Variants in DACH2 observed in about 807,000 individuals in gnomAD.
The protein encoded by DACH2 is dachshund family transcription factor 2, also known as dachshund homolog 2.
Under a neutral mutation model 35.8 loss-of-function variants are expected in DACH2, and 17 were observed. The observed-to-expected ratio is 0.48, with a 90% CI of 0.33 to 0.71. The LOEUF (loss-of-function observed/expected upper bound fraction) is 0.71, where lower values mean the gene tolerates loss of function less well. Ranked by LOEUF, DACH2 falls within the 30% of genes least tolerant of loss-of-function variation. DACH2 has a pLI of 0.02. For missense variants in DACH2, 469 were observed against 472.7 expected, an observed-to-expected ratio of 0.99 and a Z score of 0.07; for synonymous variants, 195 against 177.3, an observed-to-expected ratio of 1.10 and a Z score of -0.79.
Position 86,291,174 on chromosome X carries a change from C to T in DACH2, c.489-85650C>T, listed in dbSNP as rs752500361. ...ATGTTGGATTCCTAGGTATTTTATT[C>T]TCTTTGAAGCAATTGTGAATGAGAG... On this transcript the variant is annotated intron_variant, in intron 1 of 11. Transcript: ENST00000373125. Among the ~76,000 whole-genome samples the T allele has an allele frequency of 5.2e-3, 566 of 108,914 alleles. 6 individuals carry two copies. Among genetic ancestry groups the T allele is most frequent in the African/African-American group, 0.018 (537 of 29,629 alleles). 94.6% of individuals were successfully genotyped at this position (108,914 alleles called of 115,157 possible).
At chrX:86,292,646 A>G (rs1181689705) in intron 1 of DACH2, among the ~76,000 whole-genome samples, 1 of 110,725 alleles carries the variant, frequency 9.0e-6, no homozygotes, top group Admixed American at 9.7e-5. Context: ...CATTGGTTTC[A>G]AAGAACATCT....
chrX:86,821,148 C>A (rs1456808777), intron 11 of DACH2, among the ~76,000 whole-genome samples: 1 of 111,201 alleles, frequency 9.0e-6, no homozygotes, highest in Non-Finnish European at 1.9e-5. Flanking sequence ...GTTCCACTGA[C>A]TGCTTCCTAC....
chrX:86,659,981 T>C (rs1020544199), intron 4 of DACH2, among the ~76,000 whole-genome samples: 21 of 111,329 alleles, frequency 1.9e-4, no homozygotes, highest in African/African-American at 6.5e-4. Context: ...GAACCCTTCC[T>C]TAGAAATTTG....
At chrX:86,477,339 C>CATAT (rs56255658) in intron 2 of DACH2, among the ~76,000 whole-genome samples, 8,364 of 75,509 alleles carry the variant, frequency 0.11, 466 homozygotes, top group Non-Finnish European at 0.15. Flanking sequence ...GTGTTGAGTG[C>CATAT]ATATATATAT....
intron 7 of DACH2, among the ~76,000 whole-genome samples, chrX:86,768,435 ATTCTAT>A (rs1156977761): frequency 1.8e-5 from 2 of 111,080 alleles, no homozygotes; most frequent in Non-Finnish European, 3.8e-5. Flanking sequence ...AGCATATGCA[ATTCTAT>A]TTCTAAGTTA....
At chrX:86,627,217 A>G (rs1021442370) in intron 3 of DACH2, among the ~76,000 whole-genome samples, 18 of 111,535 alleles carry the variant, frequency 1.6e-4, no homozygotes, top group Admixed American at 8.6e-4. Context: ...TTCAACTTCA[A>G]TGTTCCACAG....
chrX:86,254,781 A>T (rs12853095), intron 1 of DACH2, among the ~76,000 whole-genome samples: 4,411 of 22,167 alleles, frequency 0.2, 746 homozygotes, highest in South Asian at 0.33. Flanking sequence ...CAAATAAATA[A>T]ATATATATAT....
chrX:86,272,302 T>A (rs2147973519), intron 1 of DACH2, among the ~76,000 whole-genome samples: 1 of 110,332 alleles, frequency 9.1e-6, no homozygotes, highest in South Asian at 3.9e-4. Flanking sequence ...TGAATAGTGC[T>A]GTAAATATAC....
chrX:86,658,970 G>A (rs979952894), intron 4 of DACH2, among the ~76,000 whole-genome samples: 2 of 111,202 alleles, frequency 1.8e-5, no homozygotes, highest in African/African-American at 3.3e-5. Context: ...CAGATGTTGA[G>A]TACTTTACCT....
chrX:86,533,537 T>C (rs1280320820), intron 3 of DACH2, among the ~76,000 whole-genome samples: 1 of 112,071 alleles, frequency 8.9e-6, no homozygotes, highest in African/African-American at 3.2e-5. Flanking sequence ...TGCTCTTCAC[T>C]CTGTTTTGTA....
chrX:86,237,659 G>C (rs1602312357), intron 1 of DACH2, among the ~76,000 whole-genome samples: 1 of 111,887 alleles, frequency 8.9e-6, no homozygotes, highest in South Asian at 3.8e-4. Context: ...CACATGGCAA[G>C]GGAAGCCAGC....
intron 7 of DACH2, among the ~76,000 whole-genome samples, chrX:86,809,754 G>A (rs1283289495): frequency 9.1e-6 from 1 of 110,456 alleles, no homozygotes; most frequent in South Asian, 3.9e-4. Flanking sequence ...TATGAACAAT[G>A]GGCCAAATAG....
intron 2 of DACH2, among the ~76,000 whole-genome samples, chrX:86,468,399 C>A (rs2037708186): frequency 9.0e-6 from 1 of 110,942 alleles, no homozygotes; most frequent in South Asian, 3.8e-4. Flanking sequence ...CCATTTTACT[C>A]ATCTTATTTA....
intron 3 of DACH2, among the ~76,000 whole-genome samples, chrX:86,523,922 A>G (rs1168065863): frequency 2.7e-5 from 3 of 111,600 alleles, no homozygotes; most frequent in African/African-American, 9.8e-5. Context: ...CCCTCCCGTA[A>G]TCCCAATCTT....
intron 2 of DACH2, among the ~76,000 whole-genome samples, chrX:86,424,203 T>C (rs1396233699): frequency 9.0e-6 from 1 of 111,304 alleles, no homozygotes; most frequent in Non-Finnish European, 1.9e-5. Flanking sequence ...TTTAGGATGT[T>C]TTTCTATTTC....
At chrX:86,780,858 C>T (rs2042082772) in intron 7 of DACH2, among the ~76,000 whole-genome samples, 1 of 111,021 alleles carries the variant, frequency 9.0e-6, no homozygotes, top group Non-Finnish European at 1.9e-5. Flanking sequence ...TTGCCTGGTG[C>T]CTGCCTCAGG....
intron 3 of DACH2, among the ~76,000 whole-genome samples, chrX:86,543,891 C>T (rs972058685): frequency 8.6e-5 from 9 of 105,254 alleles, no homozygotes; most frequent in South Asian, 4.7e-4. Flanking sequence ...TGCTAGATGA[C>T]GAGTTAGTGG....
intron 1 of DACH2, among the ~76,000 whole-genome samples, chrX:86,281,587 G>A (rs1453728612): frequency 2.0e-5 from 1 of 50,363 alleles, no homozygotes; most frequent in Non-Finnish European, 3.2e-5. Flanking sequence ...TTGAAAACTG[G>A]CACAAGACAA....
intron 2 of DACH2, among the ~76,000 whole-genome samples, chrX:86,453,021 T>G (rs2037408413): frequency 8.9e-6 from 1 of 111,846 alleles, no homozygotes; most frequent in Admixed American, 9.5e-5. Flanking sequence ...GTTGCCTGTT[T>G]GTTCTCATTA....
Sources: gnomAD v4.1 joint callset for allele counts (sites outside exome capture counted in the v4.1 genomes callset) on GRCh38, gnomAD v4.1.1 for gene constraint, MANE v1.5 for transcripts, NCBI Gene and HGNC (gene_info 2026-07-23, HGNC 2026-07-21) for gene names.